The following CHD7 variants were observed in gnomAD, a reference collection of about 807,000 sequenced individuals.
The protein encoded by CHD7 is chromodomain helicase DNA binding protein 7.
Under a neutral mutation model 307.3 loss-of-function variants are expected in CHD7, and 24 were observed. The observed-to-expected ratio is 0.08, with a 90% CI of 0.06 to 0.11. The LOEUF is 0.11. CHD7 is among the 10% of genes least tolerant of loss of function. The pLI is 1.00. For synonymous variants in CHD7, 1,363 were observed against 1,349.9 expected, an observed-to-expected ratio of 1.01 and a Z score of -0.21; for missense variants, 3,106 against 3,727.1, an observed-to-expected ratio of 0.83 and a Z score of 4.34.
At chr8:60,800,582 CATTGCTG>C in intron 5 of CHD7, 57 bp downstream of exon 5, 1 of 971,594 alleles carries the variant, frequency 1.0e-6, no homozygotes, top group Non-Finnish European at 1.5e-6. Context: ...CTAGAAATTT[CATTGCTG>C]CAATCTGAGA....
At chr8:60,813,273 T>C (rs1378033775) in intron 7 of CHD7, among the ~76,000 whole-genome samples, 1 of 152,210 alleles carries the variant, frequency 6.6e-6, no homozygotes, top group Admixed American at 6.5e-5. Flanking sequence ...CATTGCTGGA[T>C]TATTTTATTA....
rs75751168 is a variant in CHD7 at position 60,698,283 on chromosome 8, G to T, written c.-175+19201G>T. Among the ~76,000 whole-genome samples the T allele has an allele frequency of 1.9e-3, 285 of 152,288 alleles. 1 individual carries two copies. The highest frequency in any genetic ancestry group is 6.7e-3 in the African/African-American group (278 of 41,554). ...AGGACCCCCTTTACCTTTCTGTATC[G>T]AGGATAATTTGAGAGGATTTTTGCG... On this transcript the variant is annotated intron_variant, in intron 1 of 37. Transcript: ENST00000423902.
intron 4 of CHD7, among the ~76,000 whole-genome samples, chr8:60,798,291 A>G (rs1812124206): frequency 1.3e-5 from 2 of 152,332 alleles, no homozygotes; most frequent in South Asian, 4.1e-4. Flanking sequence ...CCTCTGGCCC[A>G]TGTCACTACT....
At chr8:60,835,983 C>T in intron 15 of CHD7, 90 bp from the exon 16 acceptor site, 1 of 900,588 alleles carries the variant, frequency 1.1e-6, no homozygotes, top group Non-Finnish European at 1.7e-6. Flanking sequence ...CTGGTTCCTA[C>T]AGTTTGCAAT....
chr8:60,840,924 A>G (rs1804944559), intron 19 of CHD7, among the ~76,000 whole-genome samples: 1 of 152,134 alleles, frequency 6.6e-6, no homozygotes, highest in South Asian at 2.1e-4. Flanking sequence ...GGCCTAAAGA[A>G]TATGTTTCTA....
chr8:60,730,538 A>G (rs1403477594), intron 1 of CHD7, among the ~76,000 whole-genome samples: 1 of 152,150 alleles, frequency 6.6e-6, no homozygotes, highest in Non-Finnish European at 1.5e-5. Context: ...CAGTGGTTTC[A>G]GTTACCTGCG....
At chr8:60,826,185 C>T (rs2150756207) in intron 13 of CHD7, among the ~76,000 whole-genome samples, 1 of 152,306 alleles carries the variant, frequency 6.6e-6, no homozygotes, top group East Asian at 1.9e-4. Flanking sequence ...AGGCTGCCCA[C>T]TGCCACGGGA....
intron 2 of CHD7, among the ~76,000 whole-genome samples, chr8:60,745,612 C>T (rs1809283307): frequency 6.6e-6 from 1 of 152,156 alleles, no homozygotes; most frequent in South Asian, 2.1e-4. Flanking sequence ...ATTATGTTTT[C>T]CATTTTGCTC....
At chr8:60,719,129 A>G (rs1424097939) in intron 1 of CHD7, among the ~76,000 whole-genome samples, 3 of 152,250 alleles carry the variant, frequency 2.0e-5, no homozygotes, top group South Asian at 2.1e-4. Flanking sequence ...ACACATGACT[A>G]TGTTTACAGG....
chr8:60,802,836 A>G (rs189770456), intron 6 of CHD7, among the ~76,000 whole-genome samples: 142 of 152,336 alleles, frequency 9.3e-4, no homozygotes, highest in Non-Finnish European at 1.1e-3. Flanking sequence ...ACCAGCAGTA[A>G]ACTTCTCTTT....
At position 60,814,424 on chromosome 8, in the gene CHD7, T is replaced by C. The variant is rs1409412283; in HGVS notation, c.2499-1963T>C. Reference sequence around the variant, plus strand: ...TAATTTGGAGACTAGAGCAGATTATTTTTATAATATGTGTTTCTTTTTGTG... The same window carrying C: ...TAATTTGGAGACTAGAGCAGATTATCTTTATAATATGTGTTTCTTTTTGTG... On this transcript the variant is annotated intron_variant, in intron 7 of 37. Coordinates refer to ENST00000423902, the MANE Select transcript of CHD7 (RefSeq NM_017780.4). Among the ~76,000 whole-genome samples the C allele has an allele frequency of 2.6e-5, 4 of 152,196 alleles. No homozygotes were observed. In the East Asian group the frequency reaches 7.7e-4, roughly 29 times the overall value.
chr8:60,727,219 A>T (rs62524943), intron 1 of CHD7, among the ~76,000 whole-genome samples: 2,765 of 151,996 alleles, frequency 0.018, 54 homozygotes, highest in South Asian at 0.058. Flanking sequence ...CTCGACCTCC[A>T]AGGCTCAAGG....
intron 25 of CHD7, among the ~76,000 whole-genome samples, chr8:60,849,736 A>C (rs894251209): frequency 1.3e-5 from 2 of 152,210 alleles, no homozygotes; most frequent in Non-Finnish European, 2.9e-5. Flanking sequence ...AGCCTGACTA[A>C]AGGGGAGAAT....
chr8:60,717,795 T>C (rs1245734437), intron 1 of CHD7, among the ~76,000 whole-genome samples: 1 of 152,200 alleles, frequency 6.6e-6, no homozygotes, highest in Admixed American at 6.5e-5. Flanking sequence ...TTTGTGGTGA[T>C]GGTGGTATAA....
At chr8:60,852,465 G>A in intron 29 of CHD7, 33 bp from the exon 30 acceptor site, 2 of 1,572,320 alleles carry the variant, frequency 1.3e-6, no homozygotes, top group Non-Finnish European at 1.7e-6. Flanking sequence ...TTTTCCTGAA[G>A]TATGATGCAA....
chr8:60,744,216 G>A (rs1809204068), intron 2 of CHD7, among the ~76,000 whole-genome samples: 1 of 152,184 alleles, frequency 6.6e-6, no homozygotes. Context: ...AGGTTGGAAA[G>A]TATCAGTCAG....
intron 1 of CHD7, among the ~76,000 whole-genome samples, chr8:60,715,770 A>G (rs562317424): frequency 7.9e-5 from 10 of 126,452 alleles, no homozygotes; most frequent in Middle Eastern, 4.9e-3. Context: ...GAAAAACAAA[A>G]CAAAACAAAA....
chr8:60,767,623 C>T (rs766084075), intron 2 of CHD7, among the ~76,000 whole-genome samples: 15 of 152,150 alleles, frequency 9.9e-5, no homozygotes, highest in Non-Finnish European at 1.9e-4. Context: ...GAATTTGGGT[C>T]CCCAGAGGCT....
intron 3 of CHD7, among the ~76,000 whole-genome samples, chr8:60,783,067 T>A (rs777576813): frequency 3.3e-5 from 5 of 152,234 alleles, no homozygotes; most frequent in African/African-American, 4.8e-5. Flanking sequence ...CATCAAGATA[T>A]ATATCTGATT....
Sources: gnomAD v4.1 joint callset for allele counts (sites outside exome capture counted in the v4.1 genomes callset) on GRCh38, gnomAD v4.1.1 for gene constraint, MANE v1.5 for transcripts, NCBI Gene and HGNC (gene_info 2026-07-23, HGNC 2026-07-21) for gene names.